The following AGAP1 variants were observed in gnomAD, a reference collection of about 807,000 sequenced individuals.
AGAP1 encodes arf-GAP with GTPase, ANK repeat and PH domain-containing protein 1.
Under a neutral mutation model 105.3 loss-of-function variants are expected in AGAP1, and 29 were observed. That is an observed-to-expected ratio of 0.28 (90% CI 0.21 to 0.38). The LOEUF is 0.38. AGAP1 is among the 10% of genes least tolerant of loss of function. The pLI is 1.00. For synonymous variants in AGAP1, 509 were observed against 485.9 expected, an observed-to-expected ratio of 1.05 and a Z score of -0.63; for missense variants, 998 against 1,165.1, an observed-to-expected ratio of 0.86 and a Z score of 2.09.
At chr2:235,746,417 G>A (rs1307935930) in intron 5 of AGAP1, among the ~76,000 whole-genome samples, 9 of 52,180 alleles carry the variant, frequency 1.7e-4, no homozygotes, top group Non-Finnish European at 2.8e-4. Flanking sequence ...TTTTTAAAGC[G>A]TACGTGGTCG....
At position 236,010,115 on chromosome 2, in the gene AGAP1, T is replaced by TA. The variant is rs34251322; in HGVS notation, c.1646-26432dup. Among the ~76,000 whole-genome samples, 484 of 140,346 alleles carry TA rather than the reference T, an allele frequency of 3.4e-3. 1 individual carries two copies. The highest frequency in any genetic ancestry group is 0.012 in the East Asian group (56 of 4,750). 92.1% of individuals were successfully genotyped at this position (140,346 alleles called of 152,430 possible). On this transcript the variant is annotated intron_variant, in intron 13 of 17. Coordinates refer to ENST00000304032, the MANE Select transcript of AGAP1 (RefSeq NM_001037131.3). ...GTTTTCAGGCATTCACATGTGTTAG[T>TA]AAAAAAAAAAAAAACAAAAAACTTT...
chr2:236,016,833 A>G (rs1049099226), intron 13 of AGAP1, among the ~76,000 whole-genome samples: 1 of 152,032 alleles, frequency 6.6e-6, no homozygotes, highest in Non-Finnish European at 1.5e-5. Context: ...TGTCCCTCAC[A>G]ATTTCTTTCA....
rs1241890655 is a variant in AGAP1, at chr2:235,659,097, G to C, written c.164-50082G>C. 6.6e-6 allele frequency among the ~76,000 whole-genome samples: 1 copy of C among 152,080 alleles called. No individual in the cohort carries two copies. Among genetic ancestry groups the C allele is most frequent in the Admixed American group, 6.5e-5 (1 of 15,268 alleles). ...GCCTCCTTTTGCAAGTCCACCTGCCGTTCTGGGCTTGCCCTGGGGAAGGCC... is the reference window on the plus strand; with the variant it reads ...GCCTCCTTTTGCAAGTCCACCTGCCCTTCTGGGCTTGCCCTGGGGAAGGCC... On this transcript the variant is annotated intron_variant, in intron 1 of 17. Coordinates refer to ENST00000304032, the MANE Select transcript of AGAP1 (RefSeq NM_001037131.3). This position sits in a 1 kb window ranked among gnomAD's most constrained non-coding sequence, Gnocchi z 5.0.
At chr2:235,916,299 T>A (rs2051880880) in intron 11 of AGAP1, among the ~76,000 whole-genome samples, 1 of 152,198 alleles carries the variant, frequency 6.6e-6, no homozygotes, top group Non-Finnish European at 1.5e-5. Context: ...ACTTACATAG[T>A]CTTAAGTTGC....
At position 235,724,451 on chromosome 2, in the gene AGAP1, G is replaced by A. The variant is rs1951550273; in HGVS notation, c.310+6807G>A. On this transcript the variant is annotated intron_variant, in intron 3 of 17. Coordinates refer to ENST00000304032, the MANE Select transcript of AGAP1 (RefSeq NM_001037131.3). This position sits in a 1 kb window ranked among gnomAD's most constrained non-coding sequence, Gnocchi z 4.9. ...ATTAGCCTCCCTCATTCATTTTCCC[G>A]ATAGAATATGATAGCTGAGGTAGCT... Among the ~76,000 whole-genome samples, 1 of 152,136 alleles carries A rather than the reference G, an allele frequency of 6.6e-6. No individual in the cohort carries two copies. The highest frequency in any genetic ancestry group is 6.5e-5 in the Admixed American group (1 of 15,268).
chr2:235,838,485 A>T (rs4663618), intron 9 of AGAP1, among the ~76,000 whole-genome samples: 79,196 of 152,132 alleles, frequency 0.52, 21,321 homozygotes, highest in East Asian at 0.82. Flanking sequence ...GAAAATCTGA[A>T]GAATTCAAAA....
At chr2:235,581,134 C>CA (rs60330965) in intron 1 of AGAP1, among the ~76,000 whole-genome samples, 1,699 of 88,008 alleles carry the variant, frequency 0.019, 36 homozygotes, top group African/African-American at 0.052. Context: ...CCATCTCAAG[C>CA]AAAAAAAAAA....
At position 235,621,527 on chromosome 2, in the gene AGAP1, G is replaced by A. The variant is rs528816675; in HGVS notation, c.164-87652G>A. 3.3e-5 allele frequency among the ~76,000 whole-genome samples: 5 copies of A among 152,094 alleles called. No individual in the cohort carries two copies. Among genetic ancestry groups the A allele is most frequent in the African/African-American group, 1.2e-4 (5 of 41,406 alleles). ...GAGGCTGTCATGTGAATGTGTCAAG[G>A]GCCCTGTCACGTCTCTGAGCCGGCT... On this transcript the variant is annotated intron_variant, in intron 1 of 17. Coordinates refer to ENST00000304032, the MANE Select transcript of AGAP1 (RefSeq NM_001037131.3). This position sits in a 1 kb window ranked among gnomAD's most constrained non-coding sequence, Gnocchi z 4.1.
At chr2:235,885,024 T>C (rs937150422) in intron 10 of AGAP1, among the ~76,000 whole-genome samples, 2 of 152,186 alleles carry the variant, frequency 1.3e-5, no homozygotes, top group African/African-American at 4.8e-5. Flanking sequence ...AAGCTATTAA[T>C]TTTTAAAATT....
At position 235,716,491 on chromosome 2, in the gene AGAP1, C is replaced by A. The variant is rs191171043; in HGVS notation, c.223-1066C>A. ...CAGGAGGGAGGTCAACAAGTGGAAC[C>A]GAGAGCAAGCGGGGTGAGTCCCAGC... On this transcript the variant is annotated intron_variant, in intron 2 of 17. Coordinates refer to ENST00000304032, the MANE Select transcript of AGAP1 (RefSeq NM_001037131.3). The surrounding 1 kb of genome is among the most constrained non-coding windows in gnomAD (Gnocchi z 4.0). Among the ~76,000 whole-genome samples, 262 of 152,138 alleles carry A rather than the reference C, an allele frequency of 1.7e-3. No homozygotes were observed. Among genetic ancestry groups the A allele is most frequent in the Non-Finnish European group, 2.6e-3 (177 of 68,002 alleles).
At chr2:235,567,204 T>G (rs936004201) in intron 1 of AGAP1, among the ~76,000 whole-genome samples, 1 of 152,238 alleles carries the variant, frequency 6.6e-6, no homozygotes, top group African/African-American at 2.4e-5. Context: ...TGCCTAGAGC[T>G]TGGATGTGCG....
chr2:235,544,607 TG>T (rs1245166494), intron 1 of AGAP1, among the ~76,000 whole-genome samples: 1 of 152,156 alleles, frequency 6.6e-6, no homozygotes, highest in Non-Finnish European at 1.5e-5. Context: ...ATCCCATCAG[TG>T]GTCCACCAAG....
chr2:235,613,272 A>G (rs1027407984), intron 1 of AGAP1, among the ~76,000 whole-genome samples: 2 of 152,196 alleles, frequency 1.3e-5, no homozygotes, highest in African/African-American at 4.8e-5. Context: ...CTGGGATTAC[A>G]GGCCTGTGCC....
chr2:235,791,387 G>C (rs1419755777), intron 6 of AGAP1, among the ~76,000 whole-genome samples: 1 of 152,088 alleles, frequency 6.6e-6, no homozygotes. Flanking sequence ...AGCCCCCTAT[G>C]GTTCGAATGG....
rs892658419 is a variant in AGAP1 at position 235,887,645 on chromosome 2, C to G, written c.1155+4196C>G. Reference sequence around the variant, plus strand: ...ATCTCATATAGCATAGCCTACAGCCCGTTCTTTTCCACAGAGCCCAGGAAA... The same window carrying G: ...ATCTCATATAGCATAGCCTACAGCCGGTTCTTTTCCACAGAGCCCAGGAAA... On this transcript the variant is annotated intron_variant, in intron 10 of 17. Coordinates refer to ENST00000304032, the MANE Select transcript of AGAP1 (RefSeq NM_001037131.3). The surrounding 1 kb of genome is among the most constrained non-coding windows in gnomAD (Gnocchi z 4.1). Among the ~76,000 whole-genome samples, 71 of 152,152 alleles carry G rather than the reference C, an allele frequency of 4.7e-4. No individual in the cohort carries two copies. Among genetic ancestry groups the G allele is most frequent in the African/African-American group, 1.7e-3 (70 of 41,432 alleles).
intron 4 of AGAP1, among the ~76,000 whole-genome samples, chr2:235,742,374 A>C (rs1575291524): frequency 1.3e-5 from 2 of 152,316 alleles, no homozygotes; most frequent in Non-Finnish European, 2.9e-5. Context: ...TTAAACTATG[A>C]AACAGCCGCA....
Position 236,105,684 on chromosome 2 carries a change from CCCGCG to C in AGAP1, c.2115-14507_2115-14503del. ...CATTCTCCCGCGTTCACGCCATTCT[CCCGCG>C]TTCACGCCATTCTCCCACCTCAGCC... is the stretch of plus-strand genomic sequence containing the variant. On this transcript the variant is annotated intron_variant, in intron 16 of 17. Transcript: ENST00000304032. This position sits in a 1 kb window ranked among gnomAD's most constrained non-coding sequence, Gnocchi z 4.2. 6.6e-6 allele frequency among the ~76,000 whole-genome samples: 1 copy of C among 151,644 alleles called. No homozygotes were observed. Among genetic ancestry groups the C allele is most frequent in the South Asian group, 2.1e-4 (1 of 4,764 alleles).
At chr2:235,693,885 G>A (rs1949865188) in intron 1 of AGAP1, among the ~76,000 whole-genome samples, 1 of 152,198 alleles carries the variant, frequency 6.6e-6, no homozygotes, top group Non-Finnish European at 1.5e-5. Context: ...GGGGGTTAAT[G>A]ACGTTCCCAT....
intron 1 of AGAP1, among the ~76,000 whole-genome samples, chr2:235,546,469 G>A (rs1943625079): frequency 6.6e-6 from 1 of 152,190 alleles, no homozygotes; most frequent in African/African-American, 2.4e-5. Flanking sequence ...ATCAAGAGAA[G>A]GAATTATGGC....
Sources: allele counts gnomAD v4.1 joint callset (sites outside exome capture counted in the v4.1 genomes callset), GRCh38; gene constraint gnomAD v4.1.1; non-coding constraint Gnocchi (gnomAD v3.1); transcripts MANE v1.5; gene names NCBI Gene and HGNC (gene_info 2026-07-23, HGNC 2026-07-21).